Variants in STN1 observed in about 807,000 individuals in gnomAD.
STN1 encodes the protein CST complex subunit STN1.
Under a neutral mutation model 45.5 loss-of-function variants are expected in STN1, and 29 were observed. The ratio of observed to expected loss-of-function variants is 0.64; its 90% confidence interval spans 0.47 to 0.87. STN1 has a LOEUF of 0.87. Ranked by LOEUF, STN1 falls within the 40% of genes least tolerant of loss-of-function variation. The pLI is 0.00. For missense variants in STN1, 376 were observed against 441.4 expected (o/e 0.85, Z 1.33); for synonymous variants, 148 against 159.0 (o/e 0.93, Z 0.52).
chr10:103,889,110 A>T lies in STN1; in HGVS notation c.911T>A (p.Ile304Asn), dbSNP rs1252786688. ...GCAGTCCTGCTGAATGATCCGGTGG[A>T]TCTTTCTGTGCAGGTCTTTGTCTTC... ...TREDKDLHRK[I>N]HRIIQQDCQK... is the part of the protein sequence containing the mutation. Residue 304 changes from isoleucine to asparagine, a missense_variant, in exon 9 of 10, where the codon ATC (isoleucine) becomes AAC (asparagine). Ile to Asn is a moderately radical substitution (Grantham distance 149, BLOSUM62 -3). Transcript: ENST00000224950. The T allele has an allele frequency of 1.9e-6, 3 of 1,613,726 alleles. No homozygotes were observed. Among genetic ancestry groups the T allele is most frequent in the Non-Finnish European group, 2.5e-6 (3 of 1,179,758 alleles).
chr10:103,900,809 GA>G (rs1169561736), intron 4 of STN1, among the ~76,000 whole-genome samples: 1 of 151,418 alleles, frequency 6.6e-6, no homozygotes, highest in African/African-American at 2.4e-5. Flanking sequence ...ACTTTATAAT[GA>G]AAAAAACCCA....
chr10:103,917,686 T>G (rs188578985), intron 1 of STN1, 30 bp from the exon 2 acceptor site: 632 of 1,459,250 alleles, frequency 4.3e-4, no homozygotes, highest in Non-Finnish European at 5.3e-4. Flanking sequence ...GAGGATGCAA[T>G]GCGTTTAACG....
chr10:103,901,184 T>C (rs915718419), intron 4 of STN1, among the ~76,000 whole-genome samples: 2 of 152,170 alleles, frequency 1.3e-5, no homozygotes, highest in Non-Finnish European at 2.9e-5. Flanking sequence ...TGTAAAAGAC[T>C]ATGTATTCTG....
intron 9 of STN1, among the ~76,000 whole-genome samples, chr10:103,885,407 T>G (rs974736557): frequency 2.0e-5 from 3 of 152,102 alleles, no homozygotes; most frequent in Admixed American, 2.0e-4. Context: ...GGGCTCAAGG[T>G]GACTTACAGG....
intron 8 of STN1, among the ~76,000 whole-genome samples, chr10:103,889,997 A>G (rs1843129124): frequency 6.6e-6 from 1 of 152,004 alleles, no homozygotes; most frequent in African/African-American, 2.4e-5. Context: ...GAGCCACCGC[A>G]CCTGGCCAAC....
At chr10:103,889,205 C>A (rs963584186) in intron 8 of STN1, 61 bp from the exon 9 acceptor site, 13 of 1,032,162 alleles carry the variant, frequency 1.3e-5, no homozygotes, top group Non-Finnish European at 2.0e-5. Flanking sequence ...GTTGTGTCAT[C>A]CAGACTTCCA....
chr10:103,882,485 T>C lies in STN1; in HGVS notation c.*199A>G. 2 of 524,990 alleles carry C rather than the reference T, an allele frequency of 3.8e-6. No homozygotes were observed. The highest frequency in any genetic ancestry group is 6.6e-6 in the Non-Finnish European group (2 of 303,664). The allele number at this position is 524,990 out of a possible 1,614,324, so 32.5% of individuals were successfully genotyped here. On this transcript the variant is annotated 3_prime_UTR_variant, in exon 10 of 10. Transcript: ENST00000224950. ...GTGTCATGGCTGAGATCAAAGTCAT[T>C]GTACACCAAGGACATAGTGGACAGA...
intron 9 of STN1, among the ~76,000 whole-genome samples, chr10:103,887,359 C>A (rs948722715): frequency 2.0e-5 from 3 of 151,982 alleles, no homozygotes; most frequent in African/African-American, 7.3e-5. Flanking sequence ...ATAGTTTATC[C>A]CTGATAGAAA....
intron 2 of STN1, among the ~76,000 whole-genome samples, chr10:103,915,244 T>G (rs1843323786): frequency 6.6e-6 from 1 of 152,146 alleles, no homozygotes; most frequent in Admixed American, 6.5e-5. Flanking sequence ...GTAGGCACAA[T>G]TAACTGAATG....
At chr10:103,887,191 T>C (rs1031039709) in intron 9 of STN1, among the ~76,000 whole-genome samples, 1 of 152,258 alleles carries the variant, frequency 6.6e-6, no homozygotes, top group Non-Finnish European at 1.5e-5. Flanking sequence ...GTCCAGCTAA[T>C]GAAAAGACGT....
At chr10:103,912,707 G>A (rs1263374177) in intron 2 of STN1, among the ~76,000 whole-genome samples, 3 of 152,248 alleles carry the variant, frequency 2.0e-5, no homozygotes, top group Non-Finnish European at 2.9e-5. Context: ...GCTCCAGGCA[G>A]GATCTCTGGC....
chr10:103,902,997 C>A (rs142227901), intron 4 of STN1, among the ~76,000 whole-genome samples: 6 of 152,074 alleles, frequency 3.9e-5, no homozygotes, highest in Admixed American at 2.6e-4. Context: ...TAAAAAATTA[C>A]GAAGTATAAG....
intron 9 of STN1, among the ~76,000 whole-genome samples, chr10:103,884,089 CAAAAAAAAAAAAAAA>C (rs35521096): frequency 2.0e-5 from 1 of 49,778 alleles, no homozygotes; most frequent in Non-Finnish European, 3.5e-5. Context: ...GACTCCATCT[CAAAAAAAAAAAAAAA>C]AAAAAAAAAA....
intron 3 of STN1, 142 bp downstream of exon 3, chr10:103,910,385 A>T (rs1217915374): frequency 3.9e-6 from 2 of 512,516 alleles, no homozygotes; most frequent in Non-Finnish European, 7.1e-6. Context: ...CTGGGGCTAT[A>T]AGGGGCACCC....
intron 7 of STN1, among the ~76,000 whole-genome samples, chr10:103,892,631 A>G (rs528092702): frequency 3.3e-4 from 50 of 152,284 alleles, no homozygotes; most frequent in Admixed American, 2.7e-3. Flanking sequence ...GCTGTATACA[A>G]TCTCTTCCTA....
rs1843341514 is a variant in STN1, at chr10:103,917,479, T to TC, written c.115dup (p.Glu39GlyfsTer41). ...CCACATACCTGGCACCTGGCGGGAC[T>TC]CCTTCATGTCCAGGATATCCCTGAT... is the stretch of plus-strand genomic sequence containing the variant. On this transcript the variant is annotated frameshift_variant, in exon 2 of 10. Coordinates refer to ENST00000224950, the MANE Select transcript of STN1 (RefSeq NM_024928.5). LOFTEE classifies it high-confidence loss of function. 1 of 1,613,776 alleles carries TC rather than the reference T, an allele frequency of 6.2e-7. No individual in the cohort carries two copies. The highest frequency in any genetic ancestry group is 8.5e-7 in the Non-Finnish European group (1 of 1,179,858).
chr10:103,909,532 A>AGTGTG (rs775541058), intron 3 of STN1, among the ~76,000 whole-genome samples: 3,358 of 58,394 alleles, frequency 0.058, 327 homozygotes, highest in Non-Finnish European at 0.081. Flanking sequence ...ATATATGTAC[A>AGTGTG]TATATATGTA....
At chr10:103,909,434 G>GTATATATGTATA (rs1564635033) in intron 3 of STN1, among the ~76,000 whole-genome samples, 3 of 56,888 alleles carry the variant, frequency 5.3e-5, no homozygotes, top group African/African-American at 2.1e-4. Context: ...GTATATATAT[G>GTATATATGTATA]TATATATATG....
At chr10:103,884,878 A>C (rs4918067) in intron 9 of STN1, among the ~76,000 whole-genome samples, 67,471 of 151,904 alleles carry the variant, frequency 0.44, 15,696 homozygotes, top group Admixed American at 0.5. Flanking sequence ...GGCTGTGTCC[A>C]CTCATTACTC....
Sources: allele counts gnomAD v4.1 joint callset (sites outside exome capture counted in the v4.1 genomes callset), GRCh38; gene constraint gnomAD v4.1.1; transcripts MANE v1.5; gene names NCBI Gene and HGNC (gene_info 2026-07-23, HGNC 2026-07-21).